Variants in DMD observed in about 807,000 individuals in gnomAD.
DMD encodes dystrophin.
Under a neutral mutation model 330.1 loss-of-function variants are expected in DMD, and 63 were observed. That is an observed-to-expected ratio of 0.19 (90% CI 0.16 to 0.24). The LOEUF (loss-of-function observed/expected upper bound fraction) is 0.24. DMD is among the 10% of genes least tolerant of loss of function. DMD has a pLI of 1.00. For synonymous variants in DMD, 1,223 were observed against 959.8 expected (o/e 1.27, Z -5.07); for missense variants, 3,344 against 2,684.1 (o/e 1.25, Z -5.43).
At chrX:32,736,387 C>G (rs181778833) in intron 7 of DMD, among the ~76,000 whole-genome samples, 5 of 111,102 alleles carry the variant, frequency 4.5e-5, no homozygotes, top group South Asian at 3.8e-4. Context: ...AACTAGAAAT[C>G]GCATTTGACC....
intron 21 of DMD, among the ~76,000 whole-genome samples, chrX:32,474,319 A>G (rs1479592144): frequency 1.8e-5 from 2 of 111,638 alleles, no homozygotes; most frequent in Admixed American, 9.5e-5. Context: ...CTGTGCTGCT[A>G]TAAACATGCA....
chrX:33,253,931 AAT>A (rs2052812691), intron 1 of DMD, among the ~76,000 whole-genome samples: 1 of 111,091 alleles, frequency 9.0e-6, no homozygotes, highest in African/African-American at 3.3e-5. Flanking sequence ...AATATTTTAA[AAT>A]AGTTTCCAAA....
intron 1 of DMD, among the ~76,000 whole-genome samples, chrX:33,336,256 T>C (rs1200130117): frequency 2.2e-5 from 2 of 92,714 alleles, no homozygotes; most frequent in African/African-American, 7.9e-5. Context: ...CCAAAGCGTG[T>C]GTGTGTGTGT....
intron 1 of DMD, among the ~76,000 whole-genome samples, chrX:33,157,636 G>C (rs9969975): frequency 0.017 from 1,934 of 112,043 alleles, 54 homozygotes; most frequent in African/African-American, 0.06. Flanking sequence ...TATATGTATT[G>C]AATGAGAAAC....
chrX:31,703,998 T>C (rs2083999507), intron 52 of DMD, among the ~76,000 whole-genome samples: 1 of 111,956 alleles, frequency 8.9e-6, no homozygotes, highest in Admixed American at 9.5e-5. Context: ...CATTTTCAGA[T>C]ATTTTTGATT....
At chrX:32,741,628 T>C (rs1241508315) in intron 7 of DMD, among the ~76,000 whole-genome samples, 1 of 111,503 alleles carries the variant, frequency 9.0e-6, no homozygotes, top group Middle Eastern at 4.2e-3. Flanking sequence ...TTCAGAGAAG[T>C]CCATGAATTT....
chrX:31,951,385 T>A (rs964138201), intron 45 of DMD, among the ~76,000 whole-genome samples: 1 of 107,378 alleles, frequency 9.3e-6, no homozygotes, highest in Non-Finnish European at 1.9e-5. Flanking sequence ...CAGATTTTTT[T>A]AATGGGAATT....
At chrX:31,440,295 C>A (rs878860830) in intron 60 of DMD, among the ~76,000 whole-genome samples, 1 of 109,389 alleles carries the variant, frequency 9.1e-6, no homozygotes, top group African/African-American at 3.4e-5. Flanking sequence ...TACAAGCGTG[C>A]GCCACCACAC....
intron 43 of DMD, among the ~76,000 whole-genome samples, chrX:32,276,030 G>A (rs1045104903): frequency 2.1e-4 from 23 of 112,086 alleles, no homozygotes; most frequent in African/African-American, 7.1e-4. Flanking sequence ...AGCACTGGAC[G>A]TGCAGTGCAG....
chrX:32,887,744 T>TC (rs1156479603), intron 2 of DMD, among the ~76,000 whole-genome samples: 6 of 3,159 alleles, frequency 1.9e-3, no homozygotes, highest in African/African-American at 0.013. Flanking sequence ...CAAGACTGTC[T>TC]CAAAAAAAAA....
At chrX:32,286,812 T>A (rs1049179478) in intron 43 of DMD, among the ~76,000 whole-genome samples, 24 of 111,633 alleles carry the variant, frequency 2.1e-4, no homozygotes, top group African/African-American at 7.8e-4. Flanking sequence ...AATGATTTGA[T>A]TTCCTCTGAG....
intron 44 of DMD, among the ~76,000 whole-genome samples, chrX:32,022,517 A>T (rs111829630): frequency 1.5e-4 from 17 of 112,568 alleles, no homozygotes; most frequent in African/African-American, 4.8e-4. Context: ...CTAGAGTCAG[A>T]ATGTCATGTA....
intron 7 of DMD, among the ~76,000 whole-genome samples, chrX:32,783,069 ATATATACACACACATATACATATATGGTG>A (rs1346664087): frequency 9.8e-6 from 1 of 102,525 alleles, no homozygotes; most frequent in African/African-American, 3.6e-5. Context: ...TATATGGTGT[ATATATACACACACATATACATATATGGTG>A]TATATATACA....
At chrX:31,502,581 G>C (rs1394549493) in intron 56 of DMD, among the ~76,000 whole-genome samples, 1 of 111,165 alleles carries the variant, frequency 9.0e-6, no homozygotes, top group Non-Finnish European at 1.9e-5. Context: ...GTTCACAATT[G>C]TATAAATGTG....
intron 63 of DMD, among the ~76,000 whole-genome samples, chrX:31,231,442 C>G (rs780535237): frequency 1.8e-5 from 2 of 111,960 alleles, no homozygotes; most frequent in South Asian, 3.7e-4. Flanking sequence ...TATCCATAAT[C>G]CTTTCATCTA....
chrX:32,495,645 C>A (rs773376538), intron 19 of DMD, among the ~76,000 whole-genome samples: 1 of 111,875 alleles, frequency 8.9e-6, no homozygotes, highest in South Asian at 3.7e-4. Flanking sequence ...TCCATTAAAA[C>A]CTTTCTAGAA....
chrX:32,714,141 A>C (rs2065453526), intron 7 of DMD, among the ~76,000 whole-genome samples: 1 of 111,811 alleles, frequency 8.9e-6, no homozygotes, highest in Non-Finnish European at 1.9e-5. Flanking sequence ...AACCATCTTA[A>C]GTCAGGGACC....
chrX:33,162,326 G>T (rs762641780), intron 1 of DMD, among the ~76,000 whole-genome samples: 1 of 111,745 alleles, frequency 8.9e-6, no homozygotes, highest in Admixed American at 9.6e-5. Context: ...GTTGACTGCC[G>T]AAGTGTATAT....
intron 43 of DMD, among the ~76,000 whole-genome samples, chrX:32,218,447 G>A (rs2097121259): frequency 8.9e-6 from 1 of 111,798 alleles, no homozygotes; most frequent in South Asian, 3.7e-4. Flanking sequence ...CTGCCTCAGA[G>A]TACAGGAATC....
Sources: allele counts gnomAD v4.1 joint callset (sites outside exome capture counted in the v4.1 genomes callset), GRCh38; gene constraint gnomAD v4.1.1; transcripts MANE v1.5; gene names NCBI Gene and HGNC (gene_info 2026-07-23, HGNC 2026-07-21).